MXD4: variants seen among roughly 807,000 people sequenced by gnomAD.
MXD4 encodes Mad4 homolog.
A neutral mutation model predicts 24.5 loss-of-function variants in MXD4; 16 were observed. That is an observed-to-expected ratio of 0.65 (90% CI 0.44 to 0.99). The LOEUF is 0.99. Ranked by LOEUF, MXD4 falls within the 50% of genes least tolerant of loss-of-function variation. The pLI is 0.00. For synonymous variants in MXD4, 164 were observed against 134.2 expected (o/e 1.22, Z -1.54); for missense variants, 301 against 301.5 (o/e 1.00, Z 0.01).
chr4:2,259,858 C>A (rs950934501), intron 2 of MXD4, among the ~76,000 whole-genome samples: 6 of 152,316 alleles, frequency 3.9e-5, no homozygotes, highest in African/African-American at 1.4e-4. Context: ...ATGGACCCCC[C>A]TGCAGGCTGG....
Position 2,258,011 on chromosome 4 carries a change from C to T in MXD4, c.165G>A (p.Arg55=), listed in dbSNP as rs200832798. ...AGLVRKAPNN[R]SSHNELEKHR... ...GCTTTTCTAGCTCGTTGTGTGAAGA[C>T]CTGTTTAGAAAGACAGAAAGACAGA... Residue 55 remains arginine, a splice_region_variant and synonymous_variant, in exon 3 of 6, where the codon AGG becomes AGA. Coordinates refer to ENST00000337190, the MANE Select transcript of MXD4 (RefSeq NM_006454.3). The T allele has an allele frequency of 8.7e-5, 140 of 1,613,658 alleles. No individual in the cohort carries two copies. In the East Asian group the frequency reaches 2.4e-3, roughly 28 times the overall value.
chr4:2,256,949 C>T (rs1157403843), intron 3 of MXD4, among the ~76,000 whole-genome samples: 2 of 152,220 alleles, frequency 1.3e-5, no homozygotes, highest in Non-Finnish European at 2.9e-5. Flanking sequence ...CTTCTTAGGC[C>T]TGGAACAATT....
chr4:2,260,664 C>G (rs1020382508), intron 2 of MXD4: 3 of 440,230 alleles, frequency 6.8e-6, no homozygotes, highest in African/African-American at 6.1e-5. Flanking sequence ...CGGGTCCCAG[C>G]CAGGGCAGCT....
At position 2,250,961 on chromosome 4, in the gene MXD4, T is replaced by C. The variant is rs1215643946; in HGVS notation, c.472+123A>G. 9.4e-6 allele frequency: 12 copies of C among 1,279,698 alleles called. No individual in the cohort carries two copies. The East Asian group carries it at 3.1e-4, about 33-fold the overall frequency. The allele number at this position is 1,279,698 out of a possible 1,614,324, so 79.3% of individuals were successfully genotyped here. On this transcript the variant is annotated intron_variant, in intron 5 of 5. Coordinates refer to ENST00000337190, the MANE Select transcript of MXD4 (RefSeq NM_006454.3). ...GCTTAGTGACAAACACACACCCCAG[T>C]GCAGCAGGGAGCTGGGAGGGTTCTC...
chr4:2,260,404 C>CGCTCAGCATAGAGGCAGT (rs1293622222), intron 2 of MXD4, among the ~76,000 whole-genome samples: 1 of 152,262 alleles, frequency 6.6e-6, no homozygotes, highest in Non-Finnish European at 1.5e-5. Context: ...ATGTGTGAAA[C>CGCTCAGCATAGAGGCAGT]GCTCAGCATA....
chr4:2,253,103 A>C (rs1201424718), intron 3 of MXD4: 1 of 154,486 alleles, frequency 6.5e-6, no homozygotes, highest in Admixed American at 6.3e-5. Flanking sequence ...TCCACTTTCC[A>C]CAAAACTGGA....
intron 3 of MXD4, among the ~76,000 whole-genome samples, chr4:2,255,646 C>G (rs561846472): frequency 3.3e-5 from 5 of 152,178 alleles, no homozygotes; most frequent in Non-Finnish European, 7.3e-5. Flanking sequence ...CCTGCCAGCA[C>G]CCCACGGCTG....
intron 2 of MXD4, 108 bp from the exon 3 acceptor site, chr4:2,258,119 G>T: frequency 7.1e-7 from 1 of 1,404,126 alleles, no homozygotes. Flanking sequence ...GGCTGGCTGT[G>T]TCTGGGTCCT....
chr4:2,259,866 TG>T (rs1423839129), intron 2 of MXD4, among the ~76,000 whole-genome samples: 1 of 152,182 alleles, frequency 6.6e-6, no homozygotes, highest in African/African-American at 2.4e-5. Context: ...CCCTGCAGGC[TG>T]GCCCCAGTGC....
In MXD4 at chr4:2,247,644, C is replaced by G. The variant is rs1256409530; in HGVS notation, c.*2900G>C. The stretch of plus-strand genomic sequence containing the variant: ...CCTGCTGGCCGAGGGTCAGGGTCCT[C>G]TGTGCAGGCAGTGGGGAGGGGGTCC... On this transcript the variant is annotated 3_prime_UTR_variant, in exon 6 of 6. Transcript: ENST00000337190. 6 of 152,272 alleles carry G rather than the reference C, an allele frequency of 3.9e-5. No homozygotes were observed. The highest frequency in any genetic ancestry group is 8.8e-5 in the Non-Finnish European group (6 of 68,102). 9.4% of individuals were successfully genotyped at this position (152,272 alleles called of 1,614,324 possible).
At chr4:2,252,728 C>T (rs1475138200) in intron 3 of MXD4, 2 of 535,486 alleles carry the variant, frequency 3.7e-6, no homozygotes. Context: ...AGACACCTGG[C>T]AGAAGCGCCC....
In MXD4 at chr4:2,262,006, G is replaced by A. The variant is rs757217919; in HGVS notation, c.-26C>T. 2.0e-5 allele frequency: 24 copies of A among 1,228,832 alleles called. No individual in the cohort carries two copies. The Admixed American group carries it at 7.4e-4, about 38-fold the overall frequency. The allele number at this position is 1,228,832 out of a possible 1,614,324, so 76.1% of individuals were successfully genotyped here. A position where few individuals can be genotyped will look rare whatever the true frequency, so the allele number is the denominator to read the frequency against. On this transcript the variant is annotated 5_prime_UTR_variant, in exon 1 of 6. Transcript: ENST00000337190. ...CCTCCCGCCCGCGCCCGTCCGCCCC[G>A]GGACGGCGGCGGCCGCTGCCCGGCC...
rs1446488978 is a variant in MXD4 at position 2,248,084 on chromosome 4, C to T, written c.*2460G>A. Reference sequence around the variant, plus strand: ...ATAGACACGGTGATGGCCTCTTGGTCCCTGCAGCCTCCAGTGATGGCAGCC... The same window carrying T: ...ATAGACACGGTGATGGCCTCTTGGTTCCTGCAGCCTCCAGTGATGGCAGCC... On this transcript the variant is annotated 3_prime_UTR_variant, in exon 6 of 6. Transcript: ENST00000337190. 1.3e-5 allele frequency: 2 copies of T among 152,620 alleles called. No individual in the cohort carries two copies. The highest frequency in any genetic ancestry group is 2.9e-5 in the Non-Finnish European group (2 of 68,378). The allele number at this position is 152,620 out of a possible 1,614,324, so 9.5% of individuals were successfully genotyped here. A position where few individuals can be genotyped will look rare whatever the true frequency, so the allele number is the denominator to read the frequency against.
intron 1 of MXD4, 26 bp downstream of exon 1, chr4:2,261,891 G>A: frequency 7.0e-7 from 1 of 1,421,638 alleles, no homozygotes; most frequent in Non-Finnish European, 9.2e-7. Context: ...CACCGCCGCG[G>A]GCGCACAATG....
Position 2,261,933 on chromosome 4 carries a change from C to A in MXD4, c.48G>T (p.Leu16=). 1 of 1,462,886 alleles carries A rather than the reference C, an allele frequency of 6.8e-7. No individual in the cohort carries two copies. The highest frequency in any genetic ancestry group is 1.3e-5 in the South Asian group (1 of 77,652). 90.6% of individuals were successfully genotyped at this position (1,462,886 alleles called of 1,614,324 possible). The change falls in exon 1 of 6, where the codon CTG becomes CTT. Residue 16 remains leucine (L), a synonymous_variant. Transcript: ENST00000337190. The stretch of plus-strand genomic sequence containing the variant: ...GAGCGCTACCTCGATCCCTGCGCTC[C>A]AGGTACTCGGCCGCCTCCAGCAGGA... ...LLILLEAAEY[L]ERRDREAEHG...
In MXD4 at chr4:2,252,492, C is replaced by A. The variant is rs1237294846; in HGVS notation, c.225G>T (p.Gln75His). The A allele has an allele frequency of 6.2e-7, 1 of 1,611,942 alleles. No homozygotes were observed. The highest frequency in any genetic ancestry group is 1.3e-5 in the African/African-American group (1 of 74,898). The change falls in exon 4 of 6, where the codon CAG becomes CAT. Residue 75 changes from glutamine to histidine, a missense_variant. Coordinates refer to ENST00000337190, the MANE Select transcript of MXD4 (RefSeq NM_006454.3). ...RRAKLRLYLE[Q>H]LKQLVPLGPD... ...GGCCCAGGGGCACCAGTTGCTTGAG[C>A]TGCTCAAGGTACAGCCTGAGTTTGG...
At chr4:2,259,928 C>A (rs1489233810) in intron 2 of MXD4, among the ~76,000 whole-genome samples, 1 of 152,248 alleles carries the variant, frequency 6.6e-6, no homozygotes, top group Admixed American at 6.5e-5. Context: ...ACTCCCTACC[C>A]TTGCCCCAGC....
intron 5 of MXD4, 22 bp from the exon 6 acceptor site, chr4:2,250,723 T>A: frequency 6.2e-7 from 1 of 1,609,922 alleles, no homozygotes. Flanking sequence ...AGAGTGGGGA[T>A]GGGGTCAGGC....
At chr4:2,253,761 G>T (rs929478342) in intron 3 of MXD4, 10 of 152,384 alleles carry the variant, frequency 6.6e-5, no homozygotes, top group African/African-American at 2.2e-4. Context: ...GCTGGGTGCA[G>T]CGGTAACAGC....
Sources: gnomAD v4.1 joint callset for allele counts (sites outside exome capture counted in the v4.1 genomes callset) on GRCh38, gnomAD v4.1.1 for gene constraint, MANE v1.5 for transcripts, NCBI Gene and HGNC (gene_info 2026-07-23, HGNC 2026-07-21) for gene names.